GPR148: variants seen among roughly 807,000 people sequenced by gnomAD.
GPR148 encodes probable G protein-coupled receptor 148.
For missense variants in GPR148, 424 were observed against 435.3 expected (o/e 0.97, Z 0.23); for synonymous variants, 173 against 187.9 (o/e 0.92, Z 0.65).
In GPR148 at chr2:130,730,142, G is replaced by A. The variant is rs768978932; in HGVS notation, c.991G>A (p.Val331Ile). 5.6e-6 allele frequency: 9 copies of A among 1,613,794 alleles called. No individual in the cohort carries two copies. In the Admixed American group the frequency reaches 1.5e-4, roughly 27 times the overall value. The change falls in exon 1 of 1, where the codon GTC (valine) becomes ATC (isoleucine). Residue 331 changes from valine to isoleucine, a missense_variant. By Grantham distance (29) the Val-to-Ile change is conservative. Transcript: ENST00000309926. ...LLRYRQLLGM[V>I]RGHLPSRRHQ... ...CCGCTACCGGCAGCTGTTGGGCATG[G>A]TCCGGGGCCACCTCCCATCCAGGAG...
chr2:130,730,312 T>A lies in GPR148; in HGVS notation c.*117T>A. ...CAATATAATAGTGGAATTGGGCCTT[T>A]CAGAAGACCTCAACTGATGATTTTC... On this transcript the variant is annotated 3_prime_UTR_variant, in exon 1 of 1. Coordinates refer to ENST00000309926, the MANE Select transcript of GPR148 (RefSeq NM_207364.2). The A allele has an allele frequency of 1.3e-6, 1 of 759,466 alleles. No individual in the cohort carries two copies. The highest frequency in any genetic ancestry group is 2.6e-4 in the Middle Eastern group (1 of 3,804). The allele number at this position is 759,466 out of a possible 1,614,324, so 47.0% of individuals were successfully genotyped here.
At position 130,729,278 on chromosome 2, in the gene GPR148, A is replaced by G; in HGVS notation, c.127A>G (p.Arg43Gly). 6.2e-7 allele frequency: 1 copy of G among 1,611,986 alleles called. No homozygotes were observed. Among genetic ancestry groups the G allele is most frequent in the African/African-American group, 1.3e-5 (1 of 75,052 alleles). The change falls in exon 1 of 1, where the codon AGG (arginine) becomes GGG (glycine). Residue 43 changes from arginine (R) to glycine (G), a missense_variant. By Grantham distance (125) the Arg-to-Gly change is moderately radical. Transcript: ENST00000309926. ...SNTSLGLGDL[R>G]VPSSMLYWLF... Reference sequence around the variant, plus strand: ...CACTTCCTTGGGCCTGGGGGACCTCAGGGTGCCCAGCTCCATGCTGTACTG... The same window carrying G: ...CACTTCCTTGGGCCTGGGGGACCTCGGGGTGCCCAGCTCCATGCTGTACTG...
rs1392112330 is a variant in GPR148 at position 130,729,211 on chromosome 2, G to A, written c.60G>A (p.Gln20=). Residue 20 remains glutamine, a synonymous_variant, in exon 1 of 1, where the codon CAG becomes CAA. Transcript: ENST00000309926. ...VGTTAWPALI[Q]LISKTPCMPQ... ...CTACAGCTTGGCCGGCCCTGATCCA[G>A]CTCATCAGCAAGACACCCTGCATGC... 6.3e-7 allele frequency: 1 copy of A among 1,585,216 alleles called. No individual in the cohort carries two copies. The highest frequency in any genetic ancestry group is 8.6e-7 in the Non-Finnish European group (1 of 1,163,558).
chr2:130,729,565 C>T lies in GPR148; in HGVS notation c.414C>T (p.Ser138=), dbSNP rs1688444520. ...CCGCCTGCACCAGCACCATCCTGTC[C>T]TTCACCGCCATTGTGCTGCACACCT... The part of the protein sequence containing the change: ...VFAACTSTIL[S]FTAIVLHTYL... Residue 138 remains serine, a synonymous_variant, in exon 1 of 1, where the codon TCC becomes TCT. Coordinates refer to ENST00000309926, the MANE Select transcript of GPR148 (RefSeq NM_207364.2). 3.1e-6 allele frequency: 5 copies of T among 1,614,030 alleles called. No homozygotes were observed. In the Admixed American group the frequency reaches 5.0e-5, roughly 16 times the overall value.
chr2:130,729,526 T>C lies in GPR148; in HGVS notation c.375T>C (p.Thr125=). 1.2e-6 allele frequency: 2 copies of C among 1,614,220 alleles called. No homozygotes were observed. Among genetic ancestry groups the C allele is most frequent in the Non-Finnish European group, 1.7e-6 (2 of 1,180,040 alleles). The change falls in exon 1 of 1, where the codon ACT becomes ACC. Residue 125 remains threonine, a synonymous_variant. Transcript: ENST00000309926. ...ELGRMACGIL[T]DAVFAACTST... is the part of the protein sequence containing the mutation. ...GCCGCATGGCCTGTGGCATTCTCAC[T>C]GATGCTGTCTTCGCCGCCTGCACCA...
Position 130,729,550 on chromosome 2 carries a change from C to G in GPR148, c.399C>G (p.Thr133=), listed in dbSNP as rs1266025403. ...ILTDAVFAAC[T]STILSFTAIV... ...CTGATGCTGTCTTCGCCGCCTGCAC[C>G]AGCACCATCCTGTCCTTCACCGCCA... is the stretch of plus-strand genomic sequence containing the variant. Residue 133 remains threonine, a synonymous_variant, in exon 1 of 1, where the codon ACC becomes ACG. Transcript: ENST00000309926. 1.9e-6 allele frequency: 3 copies of G among 1,614,134 alleles called. No homozygotes were observed. Among genetic ancestry groups the G allele is most frequent in the Non-Finnish European group, 2.5e-6 (3 of 1,180,042 alleles).
At position 130,729,431 on chromosome 2, in the gene GPR148, C is replaced by T. The variant is rs1173872864; in HGVS notation, c.280C>T (p.Leu94Phe). The T allele has an allele frequency of 1.9e-6, 3 of 1,614,266 alleles. No individual in the cohort carries two copies. The highest frequency in any genetic ancestry group is 2.5e-6 in the Non-Finnish European group (3 of 1,180,042). ...PHYLLPANIL[L>F]SDLAYILLHM... is the part of the protein sequence containing the mutation. ...CTACCTGCTCCCGGCTAACATCCTGCTCTCAGACCTGGCCTACATTCTCCT... is the reference window on the plus strand; with the variant it reads ...CTACCTGCTCCCGGCTAACATCCTGTTCTCAGACCTGGCCTACATTCTCCT... The change falls in exon 1 of 1, where the codon CTC (leucine) becomes TTC (phenylalanine). Residue 94 changes from leucine (L) to phenylalanine (F), a missense_variant. By Grantham distance (22) the Leu-to-Phe change is conservative. Coordinates refer to ENST00000309926, the MANE Select transcript of GPR148 (RefSeq NM_207364.2).
Position 130,729,410 on chromosome 2 carries a change from C to G in GPR148, c.259C>G (p.Leu87Val). 6.2e-7 allele frequency: 1 copy of G among 1,614,284 alleles called. No homozygotes were observed. The highest frequency in any genetic ancestry group is 8.5e-7 in the Non-Finnish European group (1 of 1,180,056). ...ACGGCTGCGACAGGAGCCCCACTAC[C>G]TGCTCCCGGCTAACATCCTGCTCTC... ...NQRLRQEPHY[L>V]LPANILLSDL... Residue 87 changes from leucine to valine, a missense_variant, in exon 1 of 1, where the codon CTG (leucine) becomes GTG (valine). Transcript: ENST00000309926.
Sources: gnomAD v4.1 joint callset for allele counts on GRCh38, gnomAD v4.1.1 for gene constraint, MANE v1.5 for transcripts, NCBI Gene and HGNC (gene_info 2026-07-23, HGNC 2026-07-21) for gene names.